STPG2: variants seen among roughly 807,000 people sequenced by gnomAD.
STPG2 encodes sperm-tail PG-rich repeat-containing protein 2.
Under a neutral mutation model 54.2 loss-of-function variants are expected in STPG2, and 56 were observed. The observed-to-expected ratio is 1.03, with a 90% confidence interval of 0.83 to 1.29. STPG2 has a LOEUF of 1.29. Ranked by LOEUF, STPG2 falls within the 50% of genes most tolerant of loss-of-function variation. The pLI, the probability that STPG2 is intolerant of heterozygous loss-of-function variation, is 0.00. For synonymous variants in STPG2, 200 were observed against 181.8 expected, an observed-to-expected ratio of 1.10 and a Z score of -0.81; for missense variants, 596 against 544.9, an observed-to-expected ratio of 1.09 and a Z score of -0.93.
intron 10 of STPG2, among the ~76,000 whole-genome samples, chr4:97,593,692 G>A (rs556844983): frequency 2.6e-5 from 4 of 152,250 alleles, no homozygotes; most frequent in African/African-American, 7.2e-5. Flanking sequence ...ATGCTGGAAC[G>A]CATGAAGGAG....
At chr4:97,908,699 G>C (rs1271686559) in intron 8 of STPG2, among the ~76,000 whole-genome samples, 2 of 151,748 alleles carry the variant, frequency 1.3e-5, no homozygotes, top group Non-Finnish European at 2.9e-5. Flanking sequence ...AAAATGATGA[G>C]TACATGTCCT....
At chr4:97,963,815 A>G (rs1195959340) in intron 7 of STPG2, among the ~76,000 whole-genome samples, 4 of 152,044 alleles carry the variant, frequency 2.6e-5, no homozygotes, top group Non-Finnish European at 2.9e-5. Flanking sequence ...GATGACAGAT[A>G]GAAACTCAAA....
At chr4:97,476,521 C>T (rs1730075885) in intron 4 of STPG2, among the ~76,000 whole-genome samples, 1 of 151,988 alleles carries the variant, frequency 6.6e-6, no homozygotes, top group African/African-American at 2.4e-5. Context: ...TTCCATATTG[C>T]ATTGTTTAGA....
At chr4:97,708,686 G>C (rs1724023506) in intron 10 of STPG2, among the ~76,000 whole-genome samples, 1 of 151,388 alleles carries the variant, frequency 6.6e-6, no homozygotes, top group South Asian at 2.1e-4. Context: ...ATTTTTCTGA[G>C]AATATGCAAT....
intron 9 of STPG2, among the ~76,000 whole-genome samples, chr4:97,716,751 A>G (rs953887368): frequency 1.3e-5 from 2 of 151,612 alleles, no homozygotes; most frequent in Non-Finnish European, 2.9e-5. Context: ...AGAAATACCT[A>G]ATGTAGGTGA....
chr4:97,443,493 A>G (rs181133789), intron 4 of STPG2, among the ~76,000 whole-genome samples: 23 of 152,302 alleles, frequency 1.5e-4, no homozygotes, highest in African/African-American at 5.5e-4. Context: ...AAAACGGGGT[A>G]TTTGGCAGTT....
intron 5 of STPG2, among the ~76,000 whole-genome samples, chr4:98,035,899 G>A (rs1186020199): frequency 2.0e-5 from 3 of 151,798 alleles, no homozygotes; most frequent in African/African-American, 4.8e-5. Flanking sequence ...TGAACAATGA[G>A]AACACATGGA....
At chr4:98,012,094 A>T (rs1386304122) in intron 5 of STPG2, among the ~76,000 whole-genome samples, 5 of 151,892 alleles carry the variant, frequency 3.3e-5, no homozygotes, top group African/African-American at 7.3e-5. Flanking sequence ...GAAGTTTTAC[A>T]TTTAAGTGTC....
At chr4:97,695,627 C>T (rs1723544431) in intron 10 of STPG2, among the ~76,000 whole-genome samples, 1 of 151,896 alleles carries the variant, frequency 6.6e-6, no homozygotes, top group African/African-American at 2.4e-5. Context: ...GCCCCTAGAA[C>T]TGAAAAATGA....
intron 10 of STPG2, among the ~76,000 whole-genome samples, chr4:97,665,034 T>C (rs1348203979): frequency 6.6e-6 from 1 of 152,068 alleles, no homozygotes; most frequent in Non-Finnish European, 1.5e-5. Context: ...CCAGGTGTAC[T>C]GTAAGCAGCT....
intron 10 of STPG2, among the ~76,000 whole-genome samples, chr4:97,652,872 TTAGA>T (rs1396598613): frequency 6.6e-6 from 1 of 152,036 alleles, no homozygotes; most frequent in Non-Finnish European, 1.5e-5. Context: ...GCCCTTAAAC[TTAGA>T]TAGACTAAAA....
intron 4 of STPG2, among the ~76,000 whole-genome samples, chr4:97,533,343 A>G (rs965975014): frequency 3.9e-5 from 6 of 152,190 alleles, no homozygotes; most frequent in South Asian, 2.1e-4. Flanking sequence ...ATCCTGAAAT[A>G]TCAAACTCCT....
At chr4:97,500,004 AACACAGGAT>A (rs1730690500) in intron 4 of STPG2, among the ~76,000 whole-genome samples, 1 of 152,036 alleles carries the variant, frequency 6.6e-6, no homozygotes, top group African/African-American at 2.4e-5. Context: ...GAGAGTTTCA[AACACAGGAT>A]ACTCTTGATC....
chr4:98,113,327 G>C (rs1739416180), intron 3 of STPG2, among the ~76,000 whole-genome samples: 1 of 151,970 alleles, frequency 6.6e-6, no homozygotes, highest in African/African-American at 2.4e-5. Context: ...TACATGGGTA[G>C]AAGAACTTTG....
chr4:97,720,685 G>A (rs1485175712), intron 9 of STPG2, among the ~76,000 whole-genome samples: 1 of 151,706 alleles, frequency 6.6e-6, no homozygotes, highest in Non-Finnish European at 1.5e-5. Flanking sequence ...AAAAATAGAG[G>A]TAATTTTTGT....
At chr4:97,942,367 T>C (rs911800384) in intron 8 of STPG2, among the ~76,000 whole-genome samples, 2 of 152,000 alleles carry the variant, frequency 1.3e-5, no homozygotes, top group African/African-American at 4.8e-5. Context: ...AATGACTCAC[T>C]TGAAAAATAC....
intron 10 of STPG2, among the ~76,000 whole-genome samples, chr4:97,697,231 G>A (rs1158582629): frequency 2.0e-5 from 3 of 152,112 alleles, no homozygotes; most frequent in Admixed American, 6.5e-5. Flanking sequence ...CTAAATATAA[G>A]GATTTGTGAT....
chr4:98,016,100 T>G (rs1735937371), intron 5 of STPG2, among the ~76,000 whole-genome samples: 2 of 152,094 alleles, frequency 1.3e-5, no homozygotes, highest in Non-Finnish European at 2.9e-5. Context: ...GAGAAATACT[T>G]AATGTAGATG....
rs1298551539 is a variant in STPG2, at chr4:98,135,829, A to G, written c.110-1370T>C. Reference sequence around the variant, plus strand: ...TAGAGCTGAGAAATTCAGGACACCAATGAAACATTCTACTTACTCAGGGTA... The same window carrying G: ...TAGAGCTGAGAAATTCAGGACACCAGTGAAACATTCTACTTACTCAGGGTA... On this transcript the variant is annotated intron_variant, in intron 1 of 10. Transcript: ENST00000295268. Among the ~76,000 whole-genome samples, 8 of 152,010 alleles carry G rather than the reference A, an allele frequency of 5.3e-5. 1 individual carries two copies. The East Asian group carries it at 7.7e-4, about 15-fold the overall frequency.
Sources: gnomAD v4.1 joint callset for allele counts (sites outside exome capture counted in the v4.1 genomes callset) on GRCh38, gnomAD v4.1.1 for gene constraint, MANE v1.5 for transcripts, NCBI Gene and HGNC (gene_info 2026-07-23, HGNC 2026-07-21) for gene names.